Variants in MBTD1 observed in about 807,000 individuals in gnomAD.
MBTD1 encodes MBT domain-containing protein 1.
A neutral mutation model predicts 87.8 loss-of-function variants in MBTD1; 24 were observed. The observed-to-expected ratio is 0.27, with a 90% CI of 0.20 to 0.38. The LOEUF is 0.38. MBTD1 is among the 10% of genes least tolerant of loss of function. MBTD1 has a pLI of 1.00. For synonymous variants in MBTD1, 237 were observed against 248.6 expected (o/e 0.95, Z 0.44); for missense variants, 436 against 760.2 (o/e 0.57, Z 5.02).
At chr17:51,259,020 T>C (rs1055727038) in intron 2 of MBTD1, 123 bp downstream of exon 2, 8 of 395,418 alleles carry the variant, frequency 2.0e-5, no homozygotes, top group Middle Eastern at 6.3e-4. Context: ...AGGACATGAA[T>C]GAGACTGAAG....
rs147701116 is a variant in MBTD1, at chr17:51,224,658, A to G, written c.154+350T>C. On this transcript the variant is annotated intron_variant, in intron 3 of 16. Coordinates refer to ENST00000586178, the MANE Select transcript of MBTD1 (RefSeq NM_017643.3). ...TTAAAACGGAAATTATAAGAAATTAATATAGAGGAGGGAGCCCAACCTCGA... is the reference window on the plus strand; with the variant it reads ...TTAAAACGGAAATTATAAGAAATTAGTATAGAGGAGGGAGCCCAACCTCGA... Among the ~76,000 whole-genome samples the G allele has an allele frequency of 7.8e-3, 1,184 of 152,334 alleles. 16 individuals carry two copies. Among genetic ancestry groups the G allele is most frequent in the African/African-American group, 0.027 (1,125 of 41,576 alleles).
At chr17:51,229,474 T>G (rs1370259309) in intron 2 of MBTD1, among the ~76,000 whole-genome samples, 1 of 152,198 alleles carries the variant, frequency 6.6e-6, no homozygotes, top group Non-Finnish European at 1.5e-5. Flanking sequence ...CATGTCATTG[T>G]CAGGTATTAA....
At chr17:51,195,008 T>C (rs2051018241) in intron 13 of MBTD1, among the ~76,000 whole-genome samples, 1 of 152,090 alleles carries the variant, frequency 6.6e-6, no homozygotes, top group African/African-American at 2.4e-5. Flanking sequence ...TCAGGAAAAA[T>C]TCTATACTAC....
At chr17:51,208,695 C>T (rs116484967) in intron 6 of MBTD1, among the ~76,000 whole-genome samples, 203 of 152,270 alleles carry the variant, frequency 1.3e-3, no homozygotes, top group African/African-American at 4.5e-3. Context: ...AAGAAAGAGG[C>T]GTGCTTATGC....
At chr17:51,242,925 ATTC>A (rs1462148130) in intron 2 of MBTD1, among the ~76,000 whole-genome samples, 1 of 152,084 alleles carries the variant, frequency 6.6e-6, no homozygotes, top group East Asian at 1.9e-4. Context: ...CATCTTCCTT[ATTC>A]TTCTTGCAGC....
intron 3 of MBTD1, 105 bp from the exon 4 acceptor site, chr17:51,220,568 A>G: frequency 8.8e-7 from 1 of 1,132,258 alleles, no homozygotes; most frequent in Non-Finnish European, 1.2e-6. Flanking sequence ...TTTAATTAAA[A>G]AATTTGCCTT....
intron 2 of MBTD1, among the ~76,000 whole-genome samples, chr17:51,240,610 A>AT (rs1290937928): frequency 6.6e-6 from 1 of 152,190 alleles, no homozygotes; most frequent in Non-Finnish European, 1.5e-5. Flanking sequence ...ACACACTAAC[A>AT]TGACTTATCA....
chr17:51,220,736 C>G (rs535624683), intron 3 of MBTD1, among the ~76,000 whole-genome samples: 1 of 152,254 alleles, frequency 6.6e-6, no homozygotes, highest in South Asian at 2.1e-4. Context: ...AGGGCAGATA[C>G]GCTGGATTCA....
At chr17:51,194,545 G>A (rs532327062) in intron 13 of MBTD1, among the ~76,000 whole-genome samples, 1 of 129,408 alleles carries the variant, frequency 7.7e-6, no homozygotes, top group Admixed American at 9.2e-5. Flanking sequence ...TTCCAGCCTG[G>A]GTGACAGAGC....
chr17:51,259,332 C>T (rs1054635101), intron 1 of MBTD1, 126 bp from the exon 2 acceptor site: 48 of 1,028,938 alleles, frequency 4.7e-5, no homozygotes, highest in Non-Finnish European at 5.9e-5. Context: ...ACCTCTCCCG[C>T]ACGTGCCCAC....
At chr17:51,216,523 T>C (rs1025943752) in intron 6 of MBTD1, among the ~76,000 whole-genome samples, 5 of 152,176 alleles carry the variant, frequency 3.3e-5, no homozygotes, top group African/African-American at 1.2e-4. Flanking sequence ...TCTCATGATA[T>C]ATATATATAG....
rs1448940456 is a variant in MBTD1 at position 51,180,469 on chromosome 17, A to G, written c.*107T>C. The G allele has an allele frequency of 1.0e-5, 2 of 191,538 alleles. No individual in the cohort carries two copies. Among genetic ancestry groups the G allele is most frequent in the East Asian group, 4.6e-4 (2 of 4,328 alleles). The allele number at this position is 191,538 out of a possible 1,614,324, so 11.9% of individuals were successfully genotyped here. ...GAAAAATCTGGAACTGAAATCTTCT[A>G]TGTTTAGCAAAATGTCCCAGTAGAG... On this transcript the variant is annotated 3_prime_UTR_variant, in exon 17 of 17. Transcript: ENST00000586178.
At chr17:51,259,728 A>G in intron 1 of MBTD1, 107 bp downstream of exon 1, 1 of 1,074,522 alleles carries the variant, frequency 9.3e-7, no homozygotes, top group East Asian at 3.2e-5. Flanking sequence ...GGGATGGAGA[A>G]GCAGGCCAGG....
intron 16 of MBTD1, 23 bp from the exon 17 acceptor site, chr17:51,180,717 T>C: frequency 7.6e-7 from 1 of 1,307,448 alleles, no homozygotes; most frequent in Non-Finnish European, 1.1e-6. Context: ...GAGAGAAACA[T>C]ATGGGCATTA....
chr17:51,215,168 T>A (rs890196529), intron 6 of MBTD1, among the ~76,000 whole-genome samples: 1 of 152,232 alleles, frequency 6.6e-6, no homozygotes, highest in Admixed American at 6.5e-5. Context: ...GAGAAACAGA[T>A]GCCTCACTTC....
At chr17:51,225,528 T>G (rs1408376965) in intron 2 of MBTD1, among the ~76,000 whole-genome samples, 2 of 149,450 alleles carry the variant, frequency 1.3e-5, no homozygotes, top group African/African-American at 2.5e-5. Flanking sequence ...ATTTTTGTGT[T>G]TTTTTTTTTG....
At chr17:51,192,428 A>G in intron 15 of MBTD1, 148 bp from the exon 16 acceptor site, 1 of 654,320 alleles carries the variant, frequency 1.5e-6, no homozygotes, top group East Asian at 2.7e-5. Flanking sequence ...ACTTGTTCCT[A>G]CAAAACCATA....
rs763634176 is a variant in MBTD1 at position 51,180,667 on chromosome 17, A to G, written c.1796T>C (p.Leu599Ser). 5 of 1,549,492 alleles carry G rather than the reference A, an allele frequency of 3.2e-6. No homozygotes were observed. Among genetic ancestry groups the G allele is most frequent in the Non-Finnish European group, 4.4e-6 (5 of 1,144,920 alleles). ...GAAATTATAATCCTCTCCATCCAGC[A>G]ACTCCTCCTTCAGCTGCAGTGTTGT... Reference protein sequence around the residue: ...KMTTLQLKEELLDGEDYNFLQ... With the variant: ...KMTTLQLKEESLDGEDYNFLQ... The change falls in exon 17 of 17, where the codon TTG becomes TCG. Residue 599 changes from leucine (L) to serine (S), a missense_variant. Transcript: ENST00000586178.
Position 51,203,087 on chromosome 17 carries a change from T to A in MBTD1, c.828+53A>T. ...AAACCAATTCCTTAAAAATGTTCTC[T>A]GTTACCCTTGTTTTTTAGAGCTCTT... On this transcript the variant is annotated intron_variant, in intron 9 of 16. Coordinates refer to ENST00000586178, the MANE Select transcript of MBTD1 (RefSeq NM_017643.3). 4.2e-6 allele frequency: 6 copies of A among 1,419,188 alleles called. No individual in the cohort carries two copies. The South Asian group carries it at 7.2e-5, about 17-fold the overall frequency. The allele number at this position is 1,419,188 out of a possible 1,614,324, so 87.9% of individuals were successfully genotyped here.
Sources: gnomAD v4.1 joint callset for allele counts (sites outside exome capture counted in the v4.1 genomes callset) on GRCh38, gnomAD v4.1.1 for gene constraint, MANE v1.5 for transcripts, NCBI Gene and HGNC (gene_info 2026-07-23, HGNC 2026-07-21) for gene names.